Variants in SORL1 observed in about 807,000 individuals in gnomAD.
SORL1 encodes sortilin-related receptor.
In SORL1, 127 loss-of-function variants were observed where a neutral mutation model predicts 273.7. The ratio of observed to expected loss-of-function variants is 0.46; its 90% CI spans 0.40 to 0.54. The LOEUF (loss-of-function observed/expected upper bound fraction) is 0.54, where lower values mean the gene tolerates loss of function less well. Among genes scored for constraint, SORL1 ranks in the 20% least tolerant of loss-of-function variants. The pLI, the probability that SORL1 is intolerant of heterozygous loss-of-function variation, is 0.00. For synonymous variants in SORL1, 1,031 were observed against 1,067.4 expected (o/e 0.97, Z 0.66); for missense variants, 2,494 against 2,846.1 (o/e 0.88, Z 2.81).
At chr11:121,487,947 C>T in intron 3 of SORL1, 85 bp from the exon 4 acceptor site, 1 of 1,430,868 alleles carries the variant, frequency 7.0e-7, no homozygotes, top group Non-Finnish European at 9.7e-7. Context: ...CATGTGTGTA[C>T]TCGTGTGGAC....
chr11:121,604,367 G>A (rs1863437016), intron 33 of SORL1, 43 bp downstream of exon 33: 1 of 1,603,246 alleles, frequency 6.2e-7, no homozygotes, highest in Non-Finnish European at 8.5e-7. Flanking sequence ...GGCTGGGCTG[G>A]GAGGCTCGCT....
At chr11:121,590,941 T>A (rs765228855) in intron 30 of SORL1, 60 bp from the exon 31 acceptor site, 15 of 1,595,488 alleles carry the variant, frequency 9.4e-6, no homozygotes, top group Non-Finnish European at 1.2e-5. Flanking sequence ...TGGGACATAT[T>A]TGGTCTAAGA....
intron 25 of SORL1, among the ~76,000 whole-genome samples, chr11:121,582,320 C>T (rs1342344989): frequency 6.6e-6 from 1 of 152,240 alleles, no homozygotes; most frequent in African/African-American, 2.4e-5. Context: ...CTATAGTTTG[C>T]TCTCAGCAAC....
At chr11:121,484,264 A>G (rs1177300662) in intron 3 of SORL1, among the ~76,000 whole-genome samples, 1 of 152,162 alleles carries the variant, frequency 6.6e-6, no homozygotes, top group East Asian at 1.9e-4. Context: ...AAAGGGAACT[A>G]TTGTGGCAGT....
chr11:121,526,669 T>C (rs946317259), intron 11 of SORL1, among the ~76,000 whole-genome samples: 3 of 152,202 alleles, frequency 2.0e-5, no homozygotes, highest in African/African-American at 7.2e-5. Context: ...TGTACATCTT[T>C]TATTAGCTTT....
rs1861310256 is a variant in SORL1, at chr11:121,478,210, C to G, written c.495C>G (p.Ala165=). 6.2e-7 allele frequency: 1 copy of G among 1,613,992 alleles called. No homozygotes were observed. The highest frequency in any genetic ancestry group is 1.3e-5 in the African/African-American group (1 of 74,888). ...GLGNRSEAVI[A]QFYHSPADNK... The stretch of plus-strand genomic sequence containing the variant: ...GAAATAGGAGTGAAGCTGTTATCGC[C>G]CAGTTCTACCACAGCCCTGCGGACA... Residue 165 remains alanine (A), a synonymous_variant, in exon 3 of 48, where the codon GCC becomes GCG. Transcript: ENST00000260197.
intron 21 of SORL1, among the ~76,000 whole-genome samples, chr11:121,562,768 A>G (rs967306594): frequency 6.6e-6 from 1 of 152,086 alleles, no homozygotes; most frequent in Non-Finnish European, 1.5e-5. Flanking sequence ...ATAAGGGAGG[A>G]AAAAAAATCT....
chr11:121,577,204 A>G (rs1473219498), intron 24 of SORL1, 77 bp from the exon 25 acceptor site: 2 of 1,518,132 alleles, frequency 1.3e-6, no homozygotes, highest in Admixed American at 2.0e-5. Context: ...TCCATCCTTT[A>G]TGAGAGCTTT....
intron 1 of SORL1, among the ~76,000 whole-genome samples, chr11:121,454,573 C>T (rs1023138749): frequency 5.9e-5 from 9 of 152,038 alleles, no homozygotes; most frequent in Non-Finnish European, 1.2e-4. Flanking sequence ...AATTCCTAAC[C>T]GGAGGGTGAG....
chr11:121,526,336 A>G (rs1188156499), intron 11 of SORL1, among the ~76,000 whole-genome samples: 1 of 152,136 alleles, frequency 6.6e-6, no homozygotes, highest in African/African-American at 2.4e-5. Context: ...CTGTCTTTTC[A>G]CTAATACCAA....
intron 47 of SORL1, 198 bp from the exon 48 acceptor site, chr11:121,629,298 G>A (rs572548145): frequency 5.7e-6 from 3 of 523,224 alleles, no homozygotes; most frequent in Admixed American, 3.6e-5. Flanking sequence ...AGGATCCATC[G>A]ATGGGTAGAA....
Position 121,520,696 on chromosome 11 carries a change from G to A in SORL1, c.1251G>A (p.Val417=). Reference sequence around the variant, plus strand: ...AACCATTTGCTGACTTCCACCGAGTGGAAGGATTGCAAGGAGTCTACATTG... The same window carrying A: ...AACCATTTGCTGACTTCCACCGAGTAGAAGGATTGCAAGGAGTCTACATTG... ...ANEPFADFHR[V]EGLQGVYIAT... is the part of the protein sequence containing the mutation. The change falls in exon 9 of 48, where the codon GTG becomes GTA. Residue 417 remains valine, a synonymous_variant. Transcript: ENST00000260197. 1 of 1,592,326 alleles carries A rather than the reference G, an allele frequency of 6.3e-7. No individual in the cohort carries two copies.
chr11:121,597,781 G>T (rs1330046200), intron 32 of SORL1, among the ~76,000 whole-genome samples: 1 of 152,146 alleles, frequency 6.6e-6, no homozygotes, highest in African/African-American at 2.4e-5. Context: ...AGATTCTAGT[G>T]GGAGGGACAT....
intron 2 of SORL1, 111 bp from the exon 3 acceptor site, chr11:121,478,007 G>C (rs1478266619): frequency 8.0e-7 from 1 of 1,245,806 alleles, no homozygotes; most frequent in African/African-American, 1.6e-5. Context: ...ACTGCAGCCC[G>C]GGCAAAAAGA....
chr11:121,541,179 C>A (rs1234785990), intron 12 of SORL1, among the ~76,000 whole-genome samples: 1 of 151,766 alleles, frequency 6.6e-6, no homozygotes, highest in Non-Finnish European at 1.5e-5. Flanking sequence ...GTTGGTTTAA[C>A]CCCTAGCCTT....
At chr11:121,598,140 A>C (rs115232512) in intron 32 of SORL1, among the ~76,000 whole-genome samples, 279 of 152,156 alleles carry the variant, frequency 1.8e-3, no homozygotes, top group African/African-American at 6.5e-3. Flanking sequence ...AAGATTTCAG[A>C]GATGGGGTGT....
At chr11:121,622,111 G>A (rs1863731243) in intron 44 of SORL1, 51 bp from the exon 45 acceptor site, 3 of 1,011,732 alleles carry the variant, frequency 3.0e-6, no homozygotes, top group Non-Finnish European at 4.6e-6. Context: ...AGAAAATAGA[G>A]TTTCAAATGT....
intron 6 of SORL1, among the ~76,000 whole-genome samples, chr11:121,504,675 CT>C (rs1861761321): frequency 6.6e-6 from 1 of 151,968 alleles, no homozygotes; most frequent in African/African-American, 2.4e-5. Flanking sequence ...GTCTGGAGGC[CT>C]TTTATTTATT....
intron 25 of SORL1, 94 bp from the exon 26 acceptor site, chr11:121,583,364 C>T (rs1172202504): frequency 1.4e-6 from 2 of 1,417,488 alleles, no homozygotes; most frequent in South Asian, 1.5e-5. Flanking sequence ...CTTATTCCTA[C>T]CTCATGCAAA....
Sources: gnomAD v4.1 joint callset for allele counts (sites outside exome capture counted in the v4.1 genomes callset) on GRCh38, gnomAD v4.1.1 for gene constraint, MANE v1.5 for transcripts, NCBI Gene and HGNC (gene_info 2026-07-23, HGNC 2026-07-21) for gene names.